UPF2: variants seen among roughly 807,000 people sequenced by gnomAD.
UPF2 encodes UPF2 regulator of nonsense mediated mRNA decay.
Under a neutral mutation model 141.4 loss-of-function variants are expected in UPF2, and 17 were observed. The ratio of observed to expected loss-of-function variants is 0.12; its 90% CI spans 0.08 to 0.18. The LOEUF (loss-of-function observed/expected upper bound fraction) is 0.18, where lower values mean the gene tolerates loss of function less well. Among genes scored for constraint, UPF2 ranks in the 10% least tolerant of loss-of-function variants. UPF2 has a pLI of 1.00. For missense variants in UPF2, 1,152 were observed against 1,515.9 expected (o/e 0.76, Z 3.99); for synonymous variants, 540 against 498.0 (o/e 1.08, Z -1.12).
At chr10:12,040,062 G>C (rs977401609) in intron 1 of UPF2, among the ~76,000 whole-genome samples, 3 of 152,136 alleles carry the variant, frequency 2.0e-5, no homozygotes, top group Non-Finnish European at 2.9e-5. Flanking sequence ...TCTTTAATAA[G>C]ATTCATGTCT....
rs368448121 is a variant in UPF2 at position 11,964,227 on chromosome 10, A to G, written c.2068-102T>C. ...TGTGTGTAACAACTTGGAAAACGTA[A>G]AAAACAGAAGTGAGTCTACTTGGGT... On this transcript the variant is annotated intron_variant, in intron 10 of 21. Transcript: ENST00000357604. 40 of 780,624 alleles carry G rather than the reference A, an allele frequency of 5.1e-5. No homozygotes were observed. The African/African-American group carries it at 6.5e-4, about 13-fold the overall frequency. The allele number at this position is 780,624 out of a possible 1,614,324, so 48.4% of individuals were successfully genotyped here. A position where few individuals can be genotyped will look rare whatever the true frequency, so the allele number is the denominator to read the frequency against.
intron 17 of UPF2, 137 bp downstream of exon 17, chr10:11,942,927 G>T: frequency 1.1e-6 from 1 of 928,504 alleles, no homozygotes; most frequent in Non-Finnish European, 1.6e-6. Flanking sequence ...AAAATGGTTA[G>T]GAAAACAAAT....
intron 5 of UPF2, 56 bp downstream of exon 5, chr10:12,004,474 A>T: frequency 7.2e-7 from 1 of 1,382,220 alleles, no homozygotes; most frequent in Non-Finnish European, 9.8e-7. Flanking sequence ...TACAAATACT[A>T]TTTTGAAGCT....
chr10:11,942,838 T>C (rs1477496418), intron 17 of UPF2, 75 bp from the exon 18 acceptor site: 4 of 1,330,288 alleles, frequency 3.0e-6, no homozygotes, highest in East Asian at 4.6e-5. Context: ...CCTTTTAGTA[T>C]TGACAACTTG....
intron 8 of UPF2, among the ~76,000 whole-genome samples, chr10:11,995,213 C>A (rs1354497887): frequency 6.6e-6 from 1 of 151,836 alleles, no homozygotes; most frequent in African/African-American, 2.4e-5. Context: ...AAAGGACATC[C>A]CAGATAAAAG....
chr10:12,035,522 T>C (rs1834609835), intron 1 of UPF2, 81 bp from the exon 2 acceptor site: 1 of 1,388,092 alleles, frequency 7.2e-7, no homozygotes, highest in Non-Finnish European at 9.4e-7. Context: ...AAACAGAACA[T>C]ATTAATGCAA....
rs10650923 is a variant in UPF2 at position 11,990,678 on chromosome 10, CAAAAA to C, written c.1844+6989_1844+6993del. 2.2e-3 allele frequency among the ~76,000 whole-genome samples: 214 copies of C among 98,024 alleles called. 2 individuals are homozygous for C. The highest frequency in any genetic ancestry group is 8.6e-3 in the African/African-American group (198 of 23,148). 64.3% of individuals were successfully genotyped at this position (98,024 alleles called of 152,430 possible). A position where few individuals can be genotyped will look rare whatever the true frequency, so the allele number is the denominator to read the frequency against. On this transcript the variant is annotated intron_variant, in intron 8 of 21. Transcript: ENST00000357604. ...CTGGGTGAAGAGCAAGACTCTGTCTCAAAAAAAAAAAAAAAAAGGAAACCTGTTGA... is the reference window on the plus strand; with the variant it reads ...CTGGGTGAAGAGCAAGACTCTGTCTCAAAAAAAAAAAAGGAAACCTGTTGA...
chr10:12,004,079 C>T (rs992502976), intron 5 of UPF2, among the ~76,000 whole-genome samples: 1 of 152,046 alleles, frequency 6.6e-6, no homozygotes, highest in Non-Finnish European at 1.5e-5. Context: ...ACAATGTAAC[C>T]GGCATTCAGA....
In UPF2 at chr10:11,921,451, T is replaced by C. The variant is rs566795919; in HGVS notation, c.3810-144A>G. The C allele has an allele frequency of 1.8e-4, 156 of 862,668 alleles. 1 individual carries two copies. In the Middle Eastern group the frequency reaches 1.9e-3, roughly 10 times the overall value. The allele number at this position is 862,668 out of a possible 1,614,324, so 53.4% of individuals were successfully genotyped here. A position where few individuals can be genotyped will look rare whatever the true frequency, so the allele number is the denominator to read the frequency against. ...CTGGCATCTGCGGGTTCCACATCCA[T>C]GGACCAAAAATATTCGGGGGAAAAA... On this transcript the variant is annotated intron_variant, in intron 21 of 21. Transcript: ENST00000357604. This position sits in a 1 kb window ranked among gnomAD's most constrained non-coding sequence, Gnocchi z 5.9.
At chr10:12,037,019 C>T (rs1834638176) in intron 1 of UPF2, among the ~76,000 whole-genome samples, 1 of 151,800 alleles carries the variant, frequency 6.6e-6, no homozygotes. Context: ...GGACAAAACT[C>T]CGCCTCAAGA....
chr10:11,941,593 A>G (rs934582194), intron 18 of UPF2, among the ~76,000 whole-genome samples: 8 of 151,804 alleles, frequency 5.3e-5, no homozygotes, highest in Admixed American at 2.6e-4. Flanking sequence ...TTTTAACTCT[A>G]CGACCTTCTC....
intron 8 of UPF2, among the ~76,000 whole-genome samples, chr10:11,989,889 C>G (rs549842808): frequency 6.6e-6 from 1 of 152,138 alleles, no homozygotes; most frequent in South Asian, 2.1e-4. Context: ...AGGGAGCCCA[C>G]CAAACCCAGA....
intron 4 of UPF2, among the ~76,000 whole-genome samples, chr10:12,005,405 A>G (rs1834018851): frequency 6.6e-6 from 1 of 152,236 alleles, no homozygotes; most frequent in Non-Finnish European, 1.5e-5. Flanking sequence ...TTGTTTATAC[A>G]GAGAAAGTTT....
At chr10:11,955,695 TAA>T (rs1833138037) in intron 13 of UPF2, among the ~76,000 whole-genome samples, 188 bp from the exon 14 acceptor site, 1 of 152,238 alleles carries the variant, frequency 6.6e-6, no homozygotes, top group Non-Finnish European at 1.5e-5. Flanking sequence ...TGGCTATCTT[TAA>T]AGTGTTTTCA....
At chr10:12,039,716 G>T (rs1834701697) in intron 1 of UPF2, among the ~76,000 whole-genome samples, 2 of 151,780 alleles carry the variant, frequency 1.3e-5, no homozygotes, top group Non-Finnish European at 2.9e-5. Context: ...TGCCACCCGG[G>T]TTCAAGTCAT....
At chr10:11,957,415 C>A (rs555767045) in intron 12 of UPF2, among the ~76,000 whole-genome samples, 6 of 151,686 alleles carry the variant, frequency 4.0e-5, no homozygotes, top group Non-Finnish European at 4.4e-5. Context: ...GGTGACAGAG[C>A]GAGACTCCAT....
At chr10:12,002,837 C>T (rs1263307306) in intron 5 of UPF2, among the ~76,000 whole-genome samples, 1 of 152,052 alleles carries the variant, frequency 6.6e-6, no homozygotes, top group Non-Finnish European at 1.5e-5. Flanking sequence ...TTTGTGTTTT[C>T]GCAAATCAAA....
intron 10 of UPF2, among the ~76,000 whole-genome samples, chr10:11,964,517 C>T (rs537305896): frequency 6.6e-6 from 1 of 152,294 alleles, no homozygotes; most frequent in Non-Finnish European, 1.5e-5. Flanking sequence ...CACAACCTAT[C>T]ACTAGGACAT....
At chr10:12,004,058 A>C (rs72777723) in intron 5 of UPF2, among the ~76,000 whole-genome samples, 13,425 of 152,172 alleles carry the variant, frequency 0.088, 780 homozygotes, top group South Asian at 0.13. Flanking sequence ...TGTAAGACAA[A>C]CCTGAGAAAC....
Sources: gnomAD v4.1 joint callset for allele counts (sites outside exome capture counted in the v4.1 genomes callset) on GRCh38, gnomAD v4.1.1 for gene constraint, Gnocchi (gnomAD v3.1) non-coding constraint, MANE v1.5 for transcripts, NCBI Gene and HGNC (gene_info 2026-07-23, HGNC 2026-07-21) for gene names.